The following LMX1B variants were observed in gnomAD, a reference collection of about 807,000 sequenced individuals.
The protein encoded by LMX1B is LIM homeobox transcription factor 1 beta, also known as LIM homeobox transcription factor 1-beta.
In LMX1B, 12 loss-of-function variants were observed where a neutral mutation model predicts 51.4. The ratio of observed to expected loss-of-function variants is 0.23; its 90% CI spans 0.15 to 0.38. LMX1B has a LOEUF of 0.38. Among genes scored for constraint, LMX1B ranks in the 10% least tolerant of loss-of-function variants. The pLI is 1.00. For synonymous variants in LMX1B, 237 were observed against 235.4 expected, an observed-to-expected ratio of 1.01 and a Z score of -0.06; for missense variants, 445 against 571.1, an observed-to-expected ratio of 0.78 and a Z score of 2.25.
chr9:126,693,793 C>T lies in LMX1B; in HGVS notation c.867C>T (p.Asn289=), dbSNP rs1490029797. ...RRHQQQQEQQ[N]SQRLGQEVLS... The stretch of plus-strand genomic sequence containing the variant: ...ACCAGCAGCAGCAGGAGCAGCAGAA[C>T]TCCCAGCGGCTGGGCCAGGGTGAGC... Residue 289 remains asparagine, a synonymous_variant, in exon 6 of 8, where the codon AAC becomes AAT. Coordinates refer to ENST00000373474, the MANE Select transcript of LMX1B (RefSeq NM_001174147.2). The T allele has an allele frequency of 4.3e-6, 6 of 1,409,744 alleles. No homozygotes were observed. The highest frequency in any genetic ancestry group is 1.4e-5 in the African/African-American group (1 of 70,682). 87.3% of individuals were successfully genotyped at this position (1,409,744 alleles called of 1,614,324 possible). A position where few individuals can be genotyped will look rare whatever the true frequency, so the allele number is the denominator to read the frequency against.
chr9:126,669,316 G>A (rs898887856), intron 2 of LMX1B, among the ~76,000 whole-genome samples: 1 of 152,178 alleles, frequency 6.6e-6, no homozygotes, highest in Admixed American at 6.5e-5. Context: ...GGGAGAGGGA[G>A]GGGCCAATCT....
At chr9:126,623,555 C>T (rs996654741) in intron 2 of LMX1B, among the ~76,000 whole-genome samples, 2 of 152,210 alleles carry the variant, frequency 1.3e-5, no homozygotes, top group South Asian at 2.1e-4. Context: ...TTTTTCCCGG[C>T]CCAGAGTTAC....
chr9:126,620,624 T>C (rs1407434452), intron 2 of LMX1B, among the ~76,000 whole-genome samples: 1 of 151,732 alleles, frequency 6.6e-6, no homozygotes, highest in Non-Finnish European at 1.5e-5. Context: ...TGTGCTGTGC[T>C]CTTTCTCCCT....
chr9:126,639,572 AAC>A (rs1298406553), intron 2 of LMX1B, among the ~76,000 whole-genome samples: 2 of 152,210 alleles, frequency 1.3e-5, no homozygotes, highest in Admixed American at 6.5e-5. Flanking sequence ...GAAAGCTAAT[AAC>A]ACACGCCCAA....
intron 2 of LMX1B, among the ~76,000 whole-genome samples, chr9:126,646,014 G>A (rs1042954414): frequency 6.6e-6 from 1 of 152,114 alleles, no homozygotes; most frequent in Non-Finnish European, 1.5e-5. Context: ...AGGCATTCGA[G>A]AAATACTTCC....
At position 126,664,408 on chromosome 9, in the gene LMX1B, T is replaced by TG. The variant is rs568130283; in HGVS notation, c.327-26421dup. Among the ~76,000 whole-genome samples the TG allele has an allele frequency of 1.6e-4, 25 of 151,944 alleles. No individual in the cohort carries two copies. The East Asian group carries it at 4.1e-3, about 25-fold the overall frequency. ...CCACCCAAACAGACAGCCCCAGGGATGGGGGGGAGGCAGTTATACCCCTTC... is the reference window on the plus strand; with the variant it reads ...CCACCCAAACAGACAGCCCCAGGGATGGGGGGGGAGGCAGTTATACCCCTTC... On this transcript the variant is annotated intron_variant, in intron 2 of 7. Coordinates refer to ENST00000373474, the MANE Select transcript of LMX1B (RefSeq NM_001174147.2).
intron 2 of LMX1B, among the ~76,000 whole-genome samples, chr9:126,683,525 C>T (rs538249665): frequency 1.3e-5 from 2 of 152,180 alleles, no homozygotes; most frequent in African/African-American, 2.4e-5. Flanking sequence ...GCAGCCGTGA[C>T]CCCCAGAGTG....
At position 126,626,651 on chromosome 9, in the gene LMX1B, G is replaced by T. The variant is rs886070803; in HGVS notation, c.326+11082G>T. ...CCTCGAAACACTTGATACCAACTTT[G>T]TTTTTTTGGCAAGAAAAATAAGCCT... On this transcript the variant is annotated intron_variant, in intron 2 of 7. Transcript: ENST00000373474. The surrounding 1 kb of genome is among the most constrained non-coding windows in gnomAD (Gnocchi z 4.3). Among the ~76,000 whole-genome samples, 3 of 149,252 alleles carry T rather than the reference G, an allele frequency of 2.0e-5. No homozygotes were observed. Among genetic ancestry groups the T allele is most frequent in the Non-Finnish European group, 4.5e-5 (3 of 66,352 alleles).
Position 126,625,900 on chromosome 9 carries a change from G to A in LMX1B, c.326+10331G>A, listed in dbSNP as rs1835518069. 6.6e-6 allele frequency among the ~76,000 whole-genome samples: 1 copy of A among 152,210 alleles called. No individual in the cohort carries two copies. The highest frequency in any genetic ancestry group is 1.9e-4 in the East Asian group (1 of 5,176). On this transcript the variant is annotated intron_variant, in intron 2 of 7. Transcript: ENST00000373474. The surrounding 1 kb of genome is among the most constrained non-coding windows in gnomAD (Gnocchi z 5.3). ...GGCTTGGGCTTTAGCCGTGGCGCTC[G>A]CCTCGGCGCAGTGGGGAGCCGCGGG... is the stretch of plus-strand genomic sequence containing the variant.
chr9:126,655,607 G>A (rs145985909), intron 2 of LMX1B, among the ~76,000 whole-genome samples: 52 of 152,314 alleles, frequency 3.4e-4, no homozygotes, highest in South Asian at 1.9e-3. Context: ...TGCCTGGCAC[G>A]TAGTAGGGGC....
At chr9:126,675,175 A>AC (rs5900717) in intron 2 of LMX1B, among the ~76,000 whole-genome samples, 3 of 151,384 alleles carry the variant, frequency 2.0e-5, no homozygotes, top group Admixed American at 6.6e-5. Flanking sequence ...ACAAAACAAA[A>AC]CCCCCCCAAA....
chr9:126,633,375 G>T (rs1315816205), intron 2 of LMX1B, among the ~76,000 whole-genome samples: 1 of 152,214 alleles, frequency 6.6e-6, no homozygotes, highest in East Asian at 1.9e-4. Flanking sequence ...AGGTGCATCC[G>T]TGTGTCATGT....
chr9:126,653,142 C>CCTT (rs1836052619), intron 2 of LMX1B, among the ~76,000 whole-genome samples: 6 of 55,394 alleles, frequency 1.1e-4, no homozygotes, highest in Admixed American at 2.5e-4. Flanking sequence ...CAAGTAGATG[C>CCTT]TTTTTTTTTT....
chr9:126,636,548 A>T (rs1371653149), intron 2 of LMX1B, among the ~76,000 whole-genome samples: 1 of 151,572 alleles, frequency 6.6e-6, no homozygotes. Flanking sequence ...TACAACATGC[A>T]CTCTGGCTGC....
At chr9:126,652,659 G>A (rs7854658) in intron 2 of LMX1B, among the ~76,000 whole-genome samples, 38,156 of 152,198 alleles carry the variant, frequency 0.25, 6,136 homozygotes, top group African/African-American at 0.45. Context: ...CGGCACAGGA[G>A]AAAGAAGGGA....
chr9:126,666,112 G>C (rs1836339056), intron 2 of LMX1B, among the ~76,000 whole-genome samples: 1 of 152,266 alleles, frequency 6.6e-6, no homozygotes, highest in African/African-American at 2.4e-5. Context: ...CTATTTTACA[G>C]ATGGGAAAAC....
chr9:126,632,173 T>A (rs976210730), intron 2 of LMX1B, among the ~76,000 whole-genome samples: 1 of 152,182 alleles, frequency 6.6e-6, no homozygotes, highest in Non-Finnish European at 1.5e-5. Flanking sequence ...CGAGATGAGA[T>A]GCTGTGTTCA....
Position 126,677,341 on chromosome 9 carries a change from C to T in LMX1B, c.327-13495C>T, listed in dbSNP as rs1836582693. ...CATGGAGTCCTGCTCCTCTCTGGCA[C>T]CCCCTTCTCAAGATATTCTCTCAGG... is the stretch of plus-strand genomic sequence containing the variant. On this transcript the variant is annotated intron_variant, in intron 2 of 7. Coordinates refer to ENST00000373474, the MANE Select transcript of LMX1B (RefSeq NM_001174147.2). This position sits in a 1 kb window ranked among gnomAD's most constrained non-coding sequence, Gnocchi z 5.0. Among the ~76,000 whole-genome samples, 1 of 152,190 alleles carries T rather than the reference C, an allele frequency of 6.6e-6. No homozygotes were observed. The highest frequency in any genetic ancestry group is 6.5e-5 in the Admixed American group (1 of 15,278).
chr9:126,668,486 C>T (rs922131278), intron 2 of LMX1B, among the ~76,000 whole-genome samples: 3 of 121,122 alleles, frequency 2.5e-5, no homozygotes, highest in African/African-American at 1.0e-4. Context: ...TGGAGTCTCG[C>T]TCTGTCGCCC....
Sources: allele counts gnomAD v4.1 joint callset (sites outside exome capture counted in the v4.1 genomes callset), GRCh38; gene constraint gnomAD v4.1.1; non-coding constraint Gnocchi (gnomAD v3.1); transcripts MANE v1.5; gene names NCBI Gene and HGNC (gene_info 2026-07-23, HGNC 2026-07-21).